The following IKZF2 variants were observed in gnomAD, a reference collection of about 807,000 sequenced individuals.
The protein encoded by IKZF2 is zinc finger protein Helios.
IKZF2 carries 15 observed loss-of-function variants against 49.2 expected under a neutral mutation model. The observed-to-expected ratio is 0.30, with a 90% CI of 0.20 to 0.47. The LOEUF (loss-of-function observed/expected upper bound fraction) is 0.47. IKZF2 is among the 20% of genes least tolerant of loss of function. The pLI, the probability that IKZF2 is intolerant of heterozygous loss-of-function variation, is 1.00. For missense variants in IKZF2, 567 were observed against 664.6 expected (o/e 0.85, Z 1.61); for synonymous variants, 227 against 221.4 (o/e 1.03, Z -0.23).
chr2:213,135,203 A>T (rs1354181819), intron 4 of IKZF2, among the ~76,000 whole-genome samples: 1 of 152,192 alleles, frequency 6.6e-6, no homozygotes, highest in Non-Finnish European at 1.5e-5. Flanking sequence ...TGCAAGATAG[A>T]ATTGAAAATC....
rs749752146 is a variant in IKZF2 at position 213,147,768 on chromosome 2, T to C, written c.79A>G (p.Ile27Val). The change falls in exon 4 of 9, where the codon ATT (isoleucine) becomes GTT (valine). Residue 27 changes from isoleucine to valine, a missense_variant. Coordinates refer to ENST00000434687, the MANE Select transcript of IKZF2 (RefSeq NM_001387220.1). Reference protein sequence around the residue: ...SPEREHSNMAIDLTSSTPNGQ... With the variant: ...SPEREHSNMAVDLTSSTPNGQ... Reference sequence around the variant, plus strand: ...TTGGGTGTGCTTGAGGTGAGGTCAATTGCCATATTGGAGTGCTCCCTTTCG... The same window carrying C: ...TTGGGTGTGCTTGAGGTGAGGTCAACTGCCATATTGGAGTGCTCCCTTTCG... 3.7e-6 allele frequency: 6 copies of C among 1,613,998 alleles called. No homozygotes were observed. The East Asian group carries it at 6.7e-5, about 18-fold the overall frequency.
rs115307615 is a variant in IKZF2, at chr2:213,065,056, C to T, written c.140-7957G>A. On this transcript the variant is annotated intron_variant, in intron 4 of 8. Coordinates refer to ENST00000434687, the MANE Select transcript of IKZF2 (RefSeq NM_001387220.1). ...ATGTCCTATGAGTCTTTTAGTTACT[C>T]ATGCCTTTTCCAGTGAAACCACTGT... Among the ~76,000 whole-genome samples, 1,414 of 152,172 alleles carry T rather than the reference C, an allele frequency of 9.3e-3. 23 individuals are homozygous for T. Among genetic ancestry groups the T allele is most frequent in the African/African-American group, 0.032 (1,345 of 41,538 alleles).
intron 4 of IKZF2, among the ~76,000 whole-genome samples, chr2:213,073,164 A>G (rs976888115): frequency 2.0e-5 from 3 of 152,148 alleles, no homozygotes; most frequent in Non-Finnish European, 1.5e-5. Flanking sequence ...GAAAATGAAG[A>G]CTGTTTTCCA....
chr2:213,007,393 T>C lies in IKZF2; in HGVS notation c.1548A>G (p.Ser516=). The C allele has an allele frequency of 6.2e-7, 1 of 1,613,424 alleles. No homozygotes were observed. The highest frequency in any genetic ancestry group is 8.5e-7 in the Non-Finnish European group (1 of 1,179,590). The change falls in exon 9 of 9, where the codon TCA becomes TCG. Residue 516 remains serine (S), a synonymous_variant. Coordinates refer to ENST00000434687, the MANE Select transcript of IKZF2 (RefSeq NM_001387220.1). ...ATGTGTGCTCCCCTCGAACAATGTG[T>C]GATGAAAACTCATAACGGTCCTGGC... ...YRSQDRYEFS[S]HIVRGEHTFH is the part of the protein sequence containing the mutation.
intron 4 of IKZF2, among the ~76,000 whole-genome samples, chr2:213,060,242 T>G (rs1164578348): frequency 6.6e-6 from 1 of 151,406 alleles, no homozygotes; most frequent in Non-Finnish European, 1.5e-5. Flanking sequence ...TGTTTGCAAT[T>G]AATGTAGAAC....
chr2:213,079,687 C>A (rs548594238), intron 4 of IKZF2, among the ~76,000 whole-genome samples: 1 of 152,084 alleles, frequency 6.6e-6, no homozygotes, highest in African/African-American at 2.4e-5. Flanking sequence ...CATTTGCCAG[C>A]CCAAGTAAAA....
chr2:213,099,177 A>C (rs540218765), intron 4 of IKZF2, among the ~76,000 whole-genome samples: 33 of 152,136 alleles, frequency 2.2e-4, no homozygotes, highest in Non-Finnish European at 4.7e-4. Flanking sequence ...TAGTTGAGGA[A>C]GCTACATGAC....
At position 213,013,556 on chromosome 2, in the gene IKZF2, C is replaced by A. The variant is rs568289169; in HGVS notation, c.856+235G>T. Among the ~76,000 whole-genome samples the A allele has an allele frequency of 3.9e-5, 6 of 151,992 alleles. No homozygotes were observed. The East Asian group carries it at 1.2e-3, about 29-fold the overall frequency. On this transcript the variant is annotated intron_variant, in intron 8 of 8. Coordinates refer to ENST00000434687, the MANE Select transcript of IKZF2 (RefSeq NM_001387220.1). ...TTACATGTTATTTCACTTTATATAT[C>A]ATCATATTTTGAGATGGTGACCACT...
intron 4 of IKZF2, among the ~76,000 whole-genome samples, chr2:213,074,072 G>GA (rs1702990573): frequency 6.6e-6 from 1 of 152,112 alleles, no homozygotes. Context: ...AGATTGAAAA[G>GA]AAAAAACTTT....
At chr2:213,069,697 T>C (rs1421789723) in intron 4 of IKZF2, among the ~76,000 whole-genome samples, 2 of 152,136 alleles carry the variant, frequency 1.3e-5, no homozygotes, top group South Asian at 2.1e-4. Context: ...AGACATTTTA[T>C]GTGCCTTCCA....
In IKZF2 at chr2:213,133,020, T is replaced by C. The variant is rs187404508; in HGVS notation, c.139+14688A>G. On this transcript the variant is annotated intron_variant, in intron 4 of 8. Coordinates refer to ENST00000434687, the MANE Select transcript of IKZF2 (RefSeq NM_001387220.1). ...ATATTCAGTAAGTGATCCAGATATGTTATGTTCCATGCAATGCTTTGGACT... is the reference window on the plus strand; with the variant it reads ...ATATTCAGTAAGTGATCCAGATATGCTATGTTCCATGCAATGCTTTGGACT... Among the ~76,000 whole-genome samples the C allele has an allele frequency of 3.5e-4, 54 of 152,344 alleles. 1 individual carries two copies. Among genetic ancestry groups the C allele is most frequent in the Admixed American group, 1.6e-3 (24 of 15,296 alleles).
intron 4 of IKZF2, among the ~76,000 whole-genome samples, chr2:213,104,267 A>C (rs2059447283): frequency 6.6e-6 from 1 of 151,650 alleles, no homozygotes; most frequent in Non-Finnish European, 1.5e-5. Context: ...CGGACAAAAA[A>C]AAAAAAAAAG....
Position 213,049,768 on chromosome 2 carries a change from A to G in IKZF2, c.519T>C (p.Cys173=), listed in dbSNP as rs778192921. ...SGEKPFKCPF[C]SYACRRRDAL... ...CGTCCCTTCTTCTACAGGCGTAGCTACAGAAAGGACATTTGAACGGCTTCT... is the reference window on the plus strand; with the variant it reads ...CGTCCCTTCTTCTACAGGCGTAGCTGCAGAAAGGACATTTGAACGGCTTCT... Residue 173 remains cysteine, a synonymous_variant, in exon 6 of 9, where the codon TGT becomes TGC. Transcript: ENST00000434687. 6.2e-7 allele frequency: 1 copy of G among 1,610,996 alleles called. No homozygotes were observed. Among genetic ancestry groups the G allele is most frequent in the South Asian group, 1.1e-5 (1 of 90,578 alleles).
At chr2:213,143,977 C>A (rs1053331042) in intron 4 of IKZF2, among the ~76,000 whole-genome samples, 1 of 151,948 alleles carries the variant, frequency 6.6e-6, no homozygotes, top group African/African-American at 2.4e-5. Flanking sequence ...ATCCTGATAA[C>A]TTCATCTTTC....
intron 6 of IKZF2, among the ~76,000 whole-genome samples, chr2:213,034,473 T>TA (rs1487273226): frequency 1.3e-5 from 2 of 152,198 alleles, no homozygotes; most frequent in African/African-American, 2.4e-5. Context: ...CTTGAACACT[T>TA]AGAGGCCATT....
intron 4 of IKZF2, among the ~76,000 whole-genome samples, chr2:213,071,437 G>A (rs745494145): frequency 2.0e-5 from 3 of 152,074 alleles, no homozygotes; most frequent in Admixed American, 6.6e-5. Context: ...GGGCTTTTAC[G>A]CCCGGTTTCA....
chr2:213,016,757 C>T (rs1274242609), intron 7 of IKZF2, among the ~76,000 whole-genome samples: 1 of 152,076 alleles, frequency 6.6e-6, no homozygotes, highest in East Asian at 1.9e-4. Flanking sequence ...ATAACCATAA[C>T]GGCAAAACCA....
At chr2:213,105,196 G>T (rs1247088882) in intron 4 of IKZF2, among the ~76,000 whole-genome samples, 1 of 151,966 alleles carries the variant, frequency 6.6e-6, no homozygotes, top group Admixed American at 6.6e-5. Flanking sequence ...CTCCCAAAAG[G>T]TTTGACTCCT....
chr2:213,099,068 A>T (rs1266459896), intron 4 of IKZF2, among the ~76,000 whole-genome samples: 1 of 152,178 alleles, frequency 6.6e-6, no homozygotes, highest in Non-Finnish European at 1.5e-5. Flanking sequence ...CAAGATAAAA[A>T]TTCAATTAAA....
Sources: gnomAD v4.1 joint callset for allele counts (sites outside exome capture counted in the v4.1 genomes callset) on GRCh38, gnomAD v4.1.1 for gene constraint, MANE v1.5 for transcripts, NCBI Gene and HGNC (gene_info 2026-07-23, HGNC 2026-07-21) for gene names.